The following CDH18 variants were observed in gnomAD, a reference collection of about 807,000 sequenced individuals.
The protein encoded by CDH18 is cadherin 18.
Under a neutral mutation model 67.9 loss-of-function variants are expected in CDH18, and 31 were observed. The ratio of observed to expected loss-of-function variants is 0.46; its 90% CI spans 0.34 to 0.62. CDH18 has a LOEUF of 0.62. Ranked by LOEUF, CDH18 falls within the 20% of genes least tolerant of loss-of-function variation. The pLI is 0.01. For missense variants in CDH18, 890 were observed against 975.5 expected, an observed-to-expected ratio of 0.91 and a Z score of 1.17; for synonymous variants, 362 against 347.2, an observed-to-expected ratio of 1.04 and a Z score of -0.48.
chr5:20,457,527 C>A (rs747204475), intron 1 of CDH18, among the ~76,000 whole-genome samples: 2 of 152,102 alleles, frequency 1.3e-5, no homozygotes, highest in Non-Finnish European at 2.9e-5. Context: ...GTACCTGAAC[C>A]CAGTGTGGCT....
At chr5:19,739,155 G>A (rs927921274) in intron 4 of CDH18, among the ~76,000 whole-genome samples, 42 of 152,188 alleles carry the variant, frequency 2.8e-4, no homozygotes, top group African/African-American at 8.7e-4. Context: ...TCCTCTAGAC[G>A]TAATTGTAGG....
chr5:19,613,684 C>T (rs1487126439), intron 5 of CDH18, among the ~76,000 whole-genome samples: 2 of 152,056 alleles, frequency 1.3e-5, no homozygotes, highest in African/African-American at 2.4e-5. Flanking sequence ...AATTTAATAG[C>T]TCTGTTAATA....
intron 2 of CDH18, among the ~76,000 whole-genome samples, chr5:20,000,546 G>C (rs1316053783): frequency 6.6e-6 from 1 of 152,154 alleles, no homozygotes; most frequent in Non-Finnish European, 1.5e-5. Flanking sequence ...GAAATATGCT[G>C]ATGTTGAGGT....
At chr5:19,919,006 A>G (rs1792142387) in intron 2 of CDH18, among the ~76,000 whole-genome samples, 1 of 152,120 alleles carries the variant, frequency 6.6e-6, no homozygotes, top group Non-Finnish European at 1.5e-5. Context: ...CCCCACCCAG[A>G]CTGGAAATGG....
chr5:20,034,226 GTACTTTCC>G (rs1181637303), intron 2 of CDH18, among the ~76,000 whole-genome samples: 2 of 151,892 alleles, frequency 1.3e-5, no homozygotes, highest in African/African-American at 4.8e-5. Context: ...TTTCCTTCAA[GTACTTTCC>G]TATCTACCAA....
chr5:19,898,306 C>G (rs577380817), intron 2 of CDH18, among the ~76,000 whole-genome samples: 2 of 151,588 alleles, frequency 1.3e-5, no homozygotes, highest in African/African-American at 4.8e-5. Flanking sequence ...TTGGTGGTCA[C>G]ATGATTTTCC....
chr5:19,515,363 T>G (rs531975670), intron 10 of CDH18, among the ~76,000 whole-genome samples: 1 of 152,214 alleles, frequency 6.6e-6, no homozygotes, highest in South Asian at 2.1e-4. Context: ...TTTAAAGTAG[T>G]TTTTTTCCAA....
At chr5:20,059,527 C>T (rs1387954534) in intron 2 of CDH18, among the ~76,000 whole-genome samples, 1 of 152,148 alleles carries the variant, frequency 6.6e-6, no homozygotes, top group Non-Finnish European at 1.5e-5. Flanking sequence ...TACATTGTGT[C>T]TTTGTTCTCA....
chr5:19,984,179 C>T (rs1799330949), intron 1 of CDH18, among the ~76,000 whole-genome samples: 1 of 151,836 alleles, frequency 6.6e-6, no homozygotes, highest in South Asian at 2.1e-4. Context: ...GTTTATGTGA[C>T]TGTATGCCTC....
At chr5:19,628,545 C>A (rs929374903) in intron 5 of CDH18, among the ~76,000 whole-genome samples, 13 of 151,878 alleles carry the variant, frequency 8.6e-5, no homozygotes, top group African/African-American at 1.9e-4. Flanking sequence ...TTCCTGATGT[C>A]ATAGTCATGT....
At chr5:20,484,482 T>C (rs1366678219) in intron 1 of CDH18, among the ~76,000 whole-genome samples, 1 of 152,094 alleles carries the variant, frequency 6.6e-6, no homozygotes, top group Non-Finnish European at 1.5e-5. Context: ...TGCCCTCCCA[T>C]GTTTATTGCA....
intron 2 of CDH18, among the ~76,000 whole-genome samples, chr5:20,203,665 C>A (rs1193948811): frequency 6.7e-6 from 1 of 148,786 alleles, no homozygotes; most frequent in African/African-American, 2.5e-5. Flanking sequence ...AAAAGCCAGA[C>A]AGAGAAGATT....
chr5:19,602,198 C>A (rs1747250493), intron 6 of CDH18, among the ~76,000 whole-genome samples: 1 of 151,904 alleles, frequency 6.6e-6, no homozygotes, highest in Non-Finnish European at 1.5e-5. Context: ...ACATAGAAAG[C>A]CATAGGGAGT....
chr5:19,556,116 C>A (rs1489059622), intron 8 of CDH18, among the ~76,000 whole-genome samples: 5 of 152,148 alleles, frequency 3.3e-5, no homozygotes, highest in Non-Finnish European at 7.3e-5. Context: ...AGAAAAGAAT[C>A]TGAACAACAG....
chr5:19,820,510 G>T (rs1427877043), intron 3 of CDH18, among the ~76,000 whole-genome samples: 1 of 152,200 alleles, frequency 6.6e-6, no homozygotes, highest in East Asian at 1.9e-4. Context: ...CAGACCACTT[G>T]TAGACATACC....
At chr5:20,300,758 CAATAGTCCT>C (rs1406366066) in intron 1 of CDH18, among the ~76,000 whole-genome samples, 1 of 152,106 alleles carries the variant, frequency 6.6e-6, no homozygotes, top group East Asian at 1.9e-4. Context: ...TCCTAACACC[CAATAGTCCT>C]AGGTATATGT....
At chr5:20,023,486 C>T (rs762458189) in intron 2 of CDH18, among the ~76,000 whole-genome samples, 18 of 151,734 alleles carry the variant, frequency 1.2e-4, no homozygotes, top group Non-Finnish European at 2.1e-4. Context: ...GGTGAAACCC[C>T]GTCTCTACTA....
intron 2 of CDH18, among the ~76,000 whole-genome samples, chr5:20,083,115 G>GAA (rs1160798996): frequency 1.3e-5 from 2 of 152,140 alleles, no homozygotes; most frequent in Non-Finnish European, 2.9e-5. Flanking sequence ...AATGAACTAA[G>GAA]AAAGGGTCAT....
intron 9 of CDH18, among the ~76,000 whole-genome samples, chr5:19,528,888 C>T (rs1748156230): frequency 6.6e-6 from 1 of 151,662 alleles, no homozygotes. Context: ...ATTCTGAATC[C>T]ATTCTGTGCG....
Sources: gnomAD v4.1 joint callset for allele counts (sites outside exome capture counted in the v4.1 genomes callset) on GRCh38, gnomAD v4.1.1 for gene constraint, MANE v1.5 for transcripts, NCBI Gene and HGNC (gene_info 2026-07-23, HGNC 2026-07-21) for gene names.